The following TIMP2 variants were observed in gnomAD, a reference collection of about 807,000 sequenced individuals.
TIMP2 encodes TIMP metallopeptidase inhibitor 2, also known as metalloproteinase inhibitor 2.
TIMP2 carries 5 observed loss-of-function variants against 24.3 expected under a neutral mutation model. That is an observed-to-expected ratio of 0.21 (90% CI 0.11 to 0.43). The LOEUF (loss-of-function observed/expected upper bound fraction) is 0.43, where lower values mean the gene tolerates loss of function less well. Among genes scored for constraint, TIMP2 ranks in the 20% least tolerant of loss-of-function variants. The pLI is 1.00. For missense variants in TIMP2, 221 were observed against 297.5 expected, an observed-to-expected ratio of 0.74 and a Z score of 1.89; for synonymous variants, 130 against 123.2, an observed-to-expected ratio of 1.06 and a Z score of -0.37.
intron 1 of TIMP2, among the ~76,000 whole-genome samples, chr17:78,886,484 C>T (rs528837930): frequency 2.0e-5 from 3 of 152,276 alleles, no homozygotes; most frequent in South Asian, 2.1e-4. Context: ...GGCGGCTACG[C>T]TCCAGGTCTC....
intron 3 of TIMP2, among the ~76,000 whole-genome samples, chr17:78,863,060 G>T (rs1275269938): frequency 1.3e-5 from 2 of 152,122 alleles, no homozygotes; most frequent in African/African-American, 4.8e-5. Flanking sequence ...TTTCCTTTGG[G>T]TATACACCCA....
intron 1 of TIMP2, among the ~76,000 whole-genome samples, chr17:78,910,772 T>G (rs1257973912): frequency 6.6e-6 from 1 of 152,200 alleles, no homozygotes; most frequent in African/African-American, 2.4e-5. Context: ...ATGACAAGAT[T>G]TCATTCTGTT....
rs142700024 is a variant in TIMP2, at chr17:78,861,326, T to C, written c.341-3680A>G. On this transcript the variant is annotated intron_variant, in intron 3 of 4. Transcript: ENST00000262768. ...ACTTGACCAGCATTAACTCCCACTT[T>C]CTATTAGATTTGCCTTTCTTCTGCA... is the stretch of plus-strand genomic sequence containing the variant. Among the ~76,000 whole-genome samples, 142 of 152,334 alleles carry C rather than the reference T, an allele frequency of 9.3e-4. 1 individual carries two copies. Among genetic ancestry groups the C allele is most frequent in the African/African-American group, 3.3e-3 (139 of 41,566 alleles).
chr17:78,872,549 T>A (rs905203576), intron 2 of TIMP2, among the ~76,000 whole-genome samples: 1 of 152,284 alleles, frequency 6.6e-6, no homozygotes, highest in Admixed American at 6.5e-5. Context: ...CCTGATGTCA[T>A]GACAAATGGC....
intron 1 of TIMP2, among the ~76,000 whole-genome samples, chr17:78,885,466 C>T (rs566911814): frequency 1.3e-5 from 2 of 152,350 alleles, no homozygotes; most frequent in African/African-American, 2.4e-5. Context: ...CACACCCTTC[C>T]GGGTGGCTCC....
In TIMP2 at chr17:78,925,021, G is replaced by A; in HGVS notation, c.68C>T (p.Pro23Leu). 1.6e-6 allele frequency: 2 copies of A among 1,280,454 alleles called. No homozygotes were observed. The allele number at this position is 1,280,454 out of a possible 1,614,324, so 79.3% of individuals were successfully genotyped here. A position where few individuals can be genotyped will look rare whatever the true frequency, so the allele number is the denominator to read the frequency against. ...GLLLLATLLR[P>L]ADACSCSPVH... is the part of the protein sequence containing the mutation. ...CGGGGAGCAGCTGCAGGCGTCGGCC[G>A]GGCGAAGCAGCGTCGCCAGCAGCAG... The change falls in exon 1 of 5, where the codon CCG (proline) becomes CTG (leucine). Residue 23 changes from proline (P) to leucine (L), a missense_variant. By Grantham distance (98) the Pro-to-Leu change is moderately conservative (BLOSUM62 -3). Coordinates refer to ENST00000262768, the MANE Select transcript of TIMP2 (RefSeq NM_003255.5).
chr17:78,857,986 C>G (rs1230389330), intron 3 of TIMP2, among the ~76,000 whole-genome samples: 4 of 152,132 alleles, frequency 2.6e-5, no homozygotes, highest in Non-Finnish European at 4.4e-5. Context: ...AGGAGAATCG[C>G]TCTTGCACCC....
chr17:78,918,076 A>ACGCG (rs143088362), intron 1 of TIMP2, among the ~76,000 whole-genome samples: 1 of 146,320 alleles, frequency 6.8e-6, no homozygotes, highest in East Asian at 2.1e-4. Context: ...ACACACACAC[A>ACGCG]CACACACACA....
intron 2 of TIMP2, among the ~76,000 whole-genome samples, chr17:78,871,291 A>C (rs2069681398): frequency 6.6e-6 from 1 of 151,934 alleles, no homozygotes; most frequent in South Asian, 2.1e-4. Flanking sequence ...GTTTCTACTA[A>C]AAATACAAAA....
chr17:78,857,250 A>C, intron 4 of TIMP2: 1 of 391,832 alleles, frequency 2.6e-6, no homozygotes, highest in East Asian at 4.5e-5. Context: ...GGCCTCCCAA[A>C]GTGCCGGGAT....
intron 1 of TIMP2, among the ~76,000 whole-genome samples, chr17:78,906,994 T>C (rs1016459011): frequency 7.2e-5 from 11 of 152,216 alleles, no homozygotes; most frequent in African/African-American, 2.2e-4. Context: ...TCAGCCTACC[T>C]TGGCTTTCAA....
At chr17:78,884,956 G>A (rs146109606) in intron 1 of TIMP2, among the ~76,000 whole-genome samples, 82 of 152,374 alleles carry the variant, frequency 5.4e-4, no homozygotes, top group African/African-American at 1.9e-3. Context: ...TCTCAGGGTG[G>A]GGTCACATCC....
In TIMP2 at chr17:78,924,820, G is replaced by A; in HGVS notation, c.130+139C>T. ...GTCGGCTCTGGGCGTCCACTTGCAG[G>A]ATTCGAGAAGGCGCCGAGGGACCAG... On this transcript the variant is annotated intron_variant, in intron 1 of 4. Transcript: ENST00000262768. The surrounding 1 kb of genome is among the most constrained non-coding windows in gnomAD (Gnocchi z 5.3). 2.6e-6 allele frequency: 1 copy of A among 390,540 alleles called. No homozygotes were observed. The highest frequency in any genetic ancestry group is 4.0e-6 in the Non-Finnish European group (1 of 247,806). The allele number at this position is 390,540 out of a possible 1,614,324, so 24.2% of individuals were successfully genotyped here. A position where few individuals can be genotyped will look rare whatever the true frequency, so the allele number is the denominator to read the frequency against.
chr17:78,869,113 T>C (rs1454086892), intron 3 of TIMP2, among the ~76,000 whole-genome samples: 1 of 152,138 alleles, frequency 6.6e-6, no homozygotes, highest in Non-Finnish European at 1.5e-5. Context: ...TAAGGGAAAA[T>C]AATTTTACTT....
At chr17:78,908,803 G>A (rs1599174077) in intron 1 of TIMP2, among the ~76,000 whole-genome samples, 1 of 152,278 alleles carries the variant, frequency 6.6e-6, no homozygotes, top group African/African-American at 2.4e-5. Flanking sequence ...CCCTGCCCTG[G>A]AGCCAACTGG....
intron 1 of TIMP2, among the ~76,000 whole-genome samples, chr17:78,895,748 G>A (rs1264031516): frequency 6.6e-6 from 1 of 152,168 alleles, no homozygotes; most frequent in African/African-American, 2.4e-5. Flanking sequence ...CACCAGGAAC[G>A]GCCACAGGGA....
intron 3 of TIMP2, among the ~76,000 whole-genome samples, chr17:78,864,626 CCTT>C (rs1482058490): frequency 1.3e-5 from 2 of 152,058 alleles, no homozygotes; most frequent in Non-Finnish European, 2.9e-5. Flanking sequence ...CGTGCCTCCT[CCTT>C]GAGATACTAA....
intron 1 of TIMP2, chr17:78,892,299 G>A (rs1248622416): frequency 6.4e-7 from 1 of 1,550,528 alleles, no homozygotes; most frequent in African/African-American, 1.4e-5. Context: ...TCGTTATCAG[G>A]ACAGAGGCTC....
chr17:78,913,768 T>G (rs2070229715), intron 1 of TIMP2, among the ~76,000 whole-genome samples: 2 of 151,498 alleles, frequency 1.3e-5, no homozygotes, highest in South Asian at 2.1e-4. Flanking sequence ...GGCTCACACC[T>G]GTAATCCCAG....
Sources: gnomAD v4.1 joint callset for allele counts (sites outside exome capture counted in the v4.1 genomes callset) on GRCh38, gnomAD v4.1.1 for gene constraint, Gnocchi (gnomAD v3.1) non-coding constraint, MANE v1.5 for transcripts, NCBI Gene and HGNC (gene_info 2026-07-23, HGNC 2026-07-21) for gene names.